The following HDAC9 variants were observed in gnomAD, a reference collection of about 807,000 sequenced individuals.
HDAC9 encodes histone deacetylase 9.
In HDAC9, 41 loss-of-function variants were observed where a neutral mutation model predicts 139.4. That is an observed-to-expected ratio of 0.29 (90% confidence interval 0.23 to 0.38). HDAC9 has a LOEUF of 0.38. HDAC9 is among the 10% of genes least tolerant of loss of function. The pLI is 1.00. For synonymous variants in HDAC9, 517 were observed against 476.2 expected, an observed-to-expected ratio of 1.09 and a Z score of -1.12; for missense variants, 1,147 against 1,297.0, an observed-to-expected ratio of 0.88 and a Z score of 1.78.
intron 16 of HDAC9, among the ~76,000 whole-genome samples, chr7:18,777,057 G>T (rs1562933703): frequency 6.6e-6 from 1 of 152,024 alleles, no homozygotes; most frequent in East Asian, 1.9e-4. Context: ...TTTCTCTTCA[G>T]AGCTGGCTAT....
rs1791698424 is a variant in HDAC9 at position 18,208,415 on chromosome 7, C to T, written c.25+46066C>T. On this transcript the variant is annotated intron_variant, in intron 2 of 12. Transcript: ENST00000417496. ...TGAGACAGGGTCTCTCTTTGTCATC[C>T]AGGCTGGAGTACAGTGGCATGAACA... 5.5e-5 allele frequency among the ~76,000 whole-genome samples: 8 copies of T among 144,940 alleles called. No individual in the cohort carries two copies. The Admixed American group carries it at 5.7e-4, about 10-fold the overall frequency.
chr7:18,980,176 T>C (rs1044937691), intron 25 of HDAC9, among the ~76,000 whole-genome samples: 2 of 152,136 alleles, frequency 1.3e-5, no homozygotes, highest in East Asian at 3.9e-4. Context: ...GGTCTTGAGG[T>C]GCATGTGAAG....
At chr7:18,368,497 C>G (rs1396164694) in intron 1 of HDAC9, among the ~76,000 whole-genome samples, 2 of 151,896 alleles carry the variant, frequency 1.3e-5, no homozygotes, top group East Asian at 3.9e-4. Flanking sequence ...CTTTGCTTCT[C>G]ATGTACACTA....
intron 2 of HDAC9, among the ~76,000 whole-genome samples, chr7:18,163,620 C>A (rs558378284): frequency 6.6e-6 from 1 of 152,298 alleles, no homozygotes; most frequent in African/African-American, 2.4e-5. Flanking sequence ...CCATCCCCTA[C>A]CAGCCTCTAC....
intron 1 of HDAC9, among the ~76,000 whole-genome samples, chr7:18,398,994 G>T (rs1366762050): frequency 6.6e-6 from 1 of 152,024 alleles, no homozygotes; most frequent in Non-Finnish European, 1.5e-5. Flanking sequence ...ATGATGATTT[G>T]ATTGTATTAA....
intron 1 of HDAC9, among the ~76,000 whole-genome samples, chr7:18,444,816 C>T (rs1792140586): frequency 1.3e-5 from 2 of 152,216 alleles, no homozygotes; most frequent in Admixed American, 6.5e-5. Context: ...TAAGGTCTTA[C>T]TAAGCCTGTT....
chr7:18,280,358 G>C (rs1020493914), intron 2 of HDAC9, among the ~76,000 whole-genome samples: 1 of 152,178 alleles, frequency 6.6e-6, no homozygotes, highest in African/African-American at 2.4e-5. Flanking sequence ...GGGAGGCCCA[G>C]GTGGGCGCAT....
chr7:18,525,025 A>G (rs971105117), intron 2 of HDAC9, among the ~76,000 whole-genome samples: 11 of 152,196 alleles, frequency 7.2e-5, no homozygotes, highest in Non-Finnish European at 1.5e-4. Context: ...AATCATTTTA[A>G]GATTTAATAA....
intron 22 of HDAC9, among the ~76,000 whole-genome samples, chr7:18,882,727 T>C (rs971539976): frequency 6.6e-6 from 1 of 152,104 alleles, no homozygotes; most frequent in African/African-American, 2.4e-5. Context: ...TGTGAATTAA[T>C]AGTTTTGAAT....
intron 19 of HDAC9, among the ~76,000 whole-genome samples, chr7:18,832,761 G>A (rs112751435): frequency 0.016 from 2,409 of 152,058 alleles, 81 homozygotes; most frequent in African/African-American, 0.055. Flanking sequence ...TTGAGACGGA[G>A]TTTCGCTCTT....
At chr7:18,270,400 A>T (rs1796281270) in intron 2 of HDAC9, among the ~76,000 whole-genome samples, 1 of 152,156 alleles carries the variant, frequency 6.6e-6, no homozygotes, top group Non-Finnish European at 1.5e-5. Context: ...AGAATAAAAA[A>T]GTTCAATGCT....
chr7:18,676,580 A>T (rs926187199), intron 12 of HDAC9, among the ~76,000 whole-genome samples: 1 of 151,990 alleles, frequency 6.6e-6, no homozygotes, highest in Non-Finnish European at 1.5e-5. Context: ...TTTTTAAAAA[A>T]CTTAAACTTT....
At chr7:18,152,566 A>G (rs138842345) in intron 1 of HDAC9, among the ~76,000 whole-genome samples, 1 of 152,196 alleles carries the variant, frequency 6.6e-6, no homozygotes, top group Admixed American at 6.5e-5. Flanking sequence ...AGAAGGTCTC[A>G]GATAAGTCCT....
intron 2 of HDAC9, among the ~76,000 whole-genome samples, chr7:18,513,476 CTT>C (rs1802197280): frequency 6.6e-6 from 1 of 152,310 alleles, no homozygotes; most frequent in East Asian, 1.9e-4. Context: ...GGAGAAGTGA[CTT>C]TTAAGCTGAT....
chr7:18,779,260 A>G (rs1234904596), intron 16 of HDAC9, among the ~76,000 whole-genome samples: 5 of 151,978 alleles, frequency 3.3e-5, no homozygotes, highest in Non-Finnish European at 7.4e-5. Context: ...CCATTTCAAG[A>G]CTCTCAGGGT....
chr7:18,130,032 G>A (rs577286919), intron 1 of HDAC9, among the ~76,000 whole-genome samples: 3 of 152,204 alleles, frequency 2.0e-5, no homozygotes, highest in South Asian at 2.1e-4. Flanking sequence ...ACAACACAAC[G>A]GATGAAGAGT....
intron 2 of HDAC9, among the ~76,000 whole-genome samples, chr7:18,253,678 C>T (rs1461006106): frequency 2.0e-5 from 3 of 152,110 alleles, no homozygotes; most frequent in African/African-American, 7.2e-5. Context: ...AGTTAGTATT[C>T]GTGGTAAGGG....
At chr7:18,710,293 C>T (rs1784250745) in intron 12 of HDAC9, among the ~76,000 whole-genome samples, 1 of 152,178 alleles carries the variant, frequency 6.6e-6, no homozygotes, top group Non-Finnish European at 1.5e-5. Flanking sequence ...ACAGCTAAAC[C>T]ATATCAGTCA....
intron 2 of HDAC9, among the ~76,000 whole-genome samples, chr7:18,196,108 C>T (rs1790709041): frequency 6.6e-6 from 1 of 152,130 alleles, no homozygotes; most frequent in Non-Finnish European, 1.5e-5. Context: ...CTGCACATTT[C>T]TTGAGAGTAA....
Sources: gnomAD v4.1 joint callset for allele counts (sites outside exome capture counted in the v4.1 genomes callset) on GRCh38, gnomAD v4.1.1 for gene constraint, MANE v1.5 for transcripts, NCBI Gene and HGNC (gene_info 2026-07-23, HGNC 2026-07-21) for gene names.